The following CNGB1 variants were observed in gnomAD, a reference collection of about 807,000 sequenced individuals.
The protein encoded by CNGB1 is cyclic nucleotide gated channel subunit beta 1.
CNGB1 carries 126 observed loss-of-function variants against 151.7 expected under a neutral mutation model. The observed-to-expected ratio is 0.83, with a 90% CI of 0.72 to 0.96. The LOEUF (loss-of-function observed/expected upper bound fraction) is 0.96. Among genes scored for constraint, CNGB1 ranks in the 40% least tolerant of loss-of-function variants. The pLI, the probability that CNGB1 is intolerant of heterozygous loss-of-function variation, is 0.00. For missense variants in CNGB1, 1,698 were observed against 1,627.0 expected (o/e 1.04, Z -0.75); for synonymous variants, 623 against 635.1 (o/e 0.98, Z 0.29).
intron 17 of CNGB1, among the ~76,000 whole-genome samples, chr16:57,929,509 T>C (rs1596988151): frequency 6.6e-6 from 1 of 151,710 alleles, no homozygotes; most frequent in East Asian, 1.9e-4. Context: ...TTTTAATTTA[T>C]AAGGAAAAGA....
intron 17 of CNGB1, among the ~76,000 whole-genome samples, chr16:57,931,000 G>T (rs963528558): frequency 1.7e-4 from 26 of 148,576 alleles, no homozygotes; most frequent in African/African-American, 6.2e-4. Flanking sequence ...AAATTTAAGA[G>T]TTTTTTTTTT....
chr16:57,907,606 C>A (rs1038800998), intron 25 of CNGB1, among the ~76,000 whole-genome samples: 3 of 152,188 alleles, frequency 2.0e-5, no homozygotes, highest in African/African-American at 7.2e-5. Flanking sequence ...CACTGGGTCT[C>A]AGAAAGGGTA....
chr16:57,949,522 T>C (rs1269919503), intron 13 of CNGB1, 83 bp from the exon 14 acceptor site: 25 of 1,601,392 alleles, frequency 1.6e-5, no homozygotes, highest in Non-Finnish European at 2.1e-5. Flanking sequence ...TTCTGTAGGA[T>C]GTCCCATGAC....
Position 57,903,847 on chromosome 16 carries a change from G to A in CNGB1, c.2769C>T (p.Tyr923=). 1 of 1,614,182 alleles carries A rather than the reference G, an allele frequency of 6.2e-7. No individual in the cohort carries two copies. The highest frequency in any genetic ancestry group is 1.1e-5 in the South Asian group (1 of 91,078). ...CCAGCATGCCTTGCGAGTGCCAGGT[G>A]TACTCGTACCAGGTCTTGACGCGGT... ...VQNRVKTWYE[Y]TWHSQGMLDE... is the part of the protein sequence containing the mutation. The change falls in exon 27 of 33, where the codon TAC becomes TAT. Residue 923 remains tyrosine (Y), a synonymous_variant. Coordinates refer to ENST00000251102, the MANE Select transcript of CNGB1 (RefSeq NM_001297.5).
At chr16:57,949,284 C>G (rs1474320441) in intron 14 of CNGB1, 69 bp downstream of exon 14, 1 of 1,599,348 alleles carries the variant, frequency 6.3e-7, no homozygotes, top group African/African-American at 1.3e-5. Flanking sequence ...GCAAAGAGTG[C>G]CCAGACCCCA....
intron 17 of CNGB1, among the ~76,000 whole-genome samples, chr16:57,926,916 G>T (rs1208289988): frequency 6.6e-6 from 1 of 151,864 alleles, no homozygotes; most frequent in Non-Finnish European, 1.5e-5. Context: ...GGAGGCAGAG[G>T]TTGCAGTGAG....
In CNGB1 at chr16:57,940,287, C is replaced by T; in HGVS notation, c.1156G>A (p.Gly386Ser). ...CCGTCTTCTTCACTCTGGCCCACGC[C>T]CACCTGCGACACCACACAGCTATCC... ...LLDSCVVSQVGVGQSEEDGTR... is the reference protein window; with the variant it reads ...LLDSCVVSQVSVGQSEEDGTR... The change falls in exon 15 of 33, where the codon GGC (glycine) becomes AGC (serine). Residue 386 changes from glycine to serine, a missense_variant. Coordinates refer to ENST00000251102, the MANE Select transcript of CNGB1 (RefSeq NM_001297.5). 6.3e-7 allele frequency: 1 copy of T among 1,583,528 alleles called. No individual in the cohort carries two copies.
intron 23 of CNGB1, among the ~76,000 whole-genome samples, chr16:57,913,643 G>C (rs1960791149): frequency 6.6e-6 from 1 of 151,926 alleles, no homozygotes; most frequent in Admixed American, 6.6e-5. Context: ...AACACTCATG[G>C]GTAATTTTTA....
chr16:57,930,171 G>T (rs1961306700), intron 17 of CNGB1, among the ~76,000 whole-genome samples: 1 of 152,024 alleles, frequency 6.6e-6, no homozygotes, highest in Non-Finnish European at 1.5e-5. Context: ...GCCAAGAGAT[G>T]GAAACAATAT....
At position 57,923,291 on chromosome 16, in the gene CNGB1, G is replaced by A. The variant is rs199920293; in HGVS notation, c.1625C>T (p.Thr542Ile). 2 of 1,612,924 alleles carry A rather than the reference G, an allele frequency of 1.2e-6. No homozygotes were observed. Among genetic ancestry groups the A allele is most frequent in the Admixed American group, 3.3e-5 (2 of 59,998 alleles). ...GTCTCACTCAGTGTCCTTCGGGGTG[G>A]TGGGGTCAGACCAGGCAACCACTGG... ...ESPVVAWSDP[T>I]TPKDTDGQDR... is the part of the protein sequence containing the mutation. Residue 542 changes from threonine to isoleucine, a missense_variant, in exon 18 of 33, where the codon ACC becomes ATC. By Grantham distance (89) the Thr-to-Ile change is moderately conservative. Coordinates refer to ENST00000251102, the MANE Select transcript of CNGB1 (RefSeq NM_001297.5).
chr16:57,903,701 C>T, intron 27 of CNGB1, 121 bp downstream of exon 27: 1 of 1,242,104 alleles, frequency 8.1e-7, no homozygotes, highest in Middle Eastern at 2.6e-4. Context: ...CAAGACAGGC[C>T]CCAGTACTCG....
At chr16:57,910,087 G>A (rs748714403) in intron 25 of CNGB1, among the ~76,000 whole-genome samples, 4 of 152,106 alleles carry the variant, frequency 2.6e-5, no homozygotes, top group African/African-American at 4.8e-5. Context: ...CCATCGGAAC[G>A]GACCCCTCCT....
At chr16:57,907,991 C>G (rs1399350194) in intron 25 of CNGB1, among the ~76,000 whole-genome samples, 1 of 152,202 alleles carries the variant, frequency 6.6e-6, no homozygotes, top group African/African-American at 2.4e-5. Context: ...TGGGTTCCAG[C>G]GATCTTCCCA....
intron 31 of CNGB1, among the ~76,000 whole-genome samples, chr16:57,896,018 G>T (rs1960214655): frequency 6.6e-6 from 1 of 152,106 alleles, no homozygotes; most frequent in Non-Finnish European, 1.5e-5. Context: ...ACAGCTGACT[G>T]CCAGCTAATA....
chr16:57,911,624 T>G (rs1211637246), intron 25 of CNGB1, 129 bp downstream of exon 25: 15 of 1,309,002 alleles, frequency 1.1e-5, no homozygotes, highest in Non-Finnish European at 1.5e-5. Flanking sequence ...ATGCCAGTGA[T>G]TGCTTAGGAG....
chr16:57,943,341 A>T (rs1961718913), intron 14 of CNGB1, among the ~76,000 whole-genome samples: 1 of 151,898 alleles, frequency 6.6e-6, no homozygotes. Flanking sequence ...CCGCAATGAA[A>T]TATTAACTTC....
At position 57,916,149 on chromosome 16, in the gene CNGB1, G is replaced by C; in HGVS notation, c.2197C>G (p.Leu733Val). 4 of 1,614,086 alleles carry C rather than the reference G, an allele frequency of 2.5e-6. No individual in the cohort carries two copies. Among genetic ancestry groups the C allele is most frequent in the Non-Finnish European group, 3.4e-6 (4 of 1,179,978 alleles). Residue 733 changes from leucine to valine, a missense_variant, in exon 22 of 33, where the codon CTG becomes GTG. Physicochemically the swap from Leu to Val is conservative, Grantham distance 32. Coordinates refer to ENST00000251102, the MANE Select transcript of CNGB1 (RefSeq NM_001297.5). ...CACACCTTGAAGCGGCGAGACTTCA[G>C]GTAGTTATTTCGCATGTCCTTTTTG... ...TDKKDMRNNY[L>V]KSRRFKMDLL...
rs574295098 is a variant in CNGB1, at chr16:57,919,174, C to T, written c.1882G>A (p.Asp628Asn). Residue 628 changes from aspartate (D) to asparagine (N), a missense_variant, in exon 20 of 33, where the codon GAC (aspartate) becomes AAC (asparagine). By Grantham distance (23) the Asp-to-Asn change is conservative. Coordinates refer to ENST00000251102, the MANE Select transcript of CNGB1 (RefSeq NM_001297.5). ...TGTTTGAACTTGCAGCAGAGCATGT[C>T]GCAATAGTGCTCCTCTTCCACTGGC... ...AEPVEEEHYCDMLCCKFKHRP... is the reference protein window; with the variant it reads ...AEPVEEEHYCNMLCCKFKHRP... The T allele has an allele frequency of 1.9e-5, 30 of 1,614,060 alleles. No homozygotes were observed. The highest frequency in any genetic ancestry group is 2.7e-5 in the African/African-American group (2 of 74,910).
chr16:57,884,564 G>A (rs1198627947), intron 32 of CNGB1, 107 bp from the exon 33 acceptor site: 4 of 1,252,690 alleles, frequency 3.2e-6, no homozygotes, highest in Non-Finnish European at 4.6e-6. Context: ...AAAGAGGGCA[G>A]CGGAACACAC....
Sources: allele counts gnomAD v4.1 joint callset (sites outside exome capture counted in the v4.1 genomes callset), GRCh38; gene constraint gnomAD v4.1.1; transcripts MANE v1.5; gene names NCBI Gene and HGNC (gene_info 2026-07-23, HGNC 2026-07-21).